SASH1: variants seen among roughly 807,000 people sequenced by gnomAD.
SASH1 encodes SAM and SH3 domain-containing protein 1.
A neutral mutation model predicts 125.2 loss-of-function variants in SASH1; 44 were observed. That is an observed-to-expected ratio of 0.35 (90% CI 0.28 to 0.45). The LOEUF is 0.45. Among genes scored for constraint, SASH1 ranks in the 20% least tolerant of loss-of-function variants. SASH1 has a pLI of 1.00. For synonymous variants in SASH1, 639 were observed against 649.1 expected (o/e 0.98, Z 0.24); for missense variants, 1,426 against 1,614.5 (o/e 0.88, Z 2.00).
At chr6:148,324,118 C>CAAAAAAAAAAAAAAAA (rs56950339) in intron 1 of SASH1, among the ~76,000 whole-genome samples, 16 of 59,438 alleles carry the variant, frequency 2.7e-4, no homozygotes, top group East Asian at 6.7e-4. Flanking sequence ...GAATCTGTCT[C>CAAAAAAAAAAAAAAAA]AAAAAAAAAA....
intron 11 of SASH1, 136 bp from the exon 12 acceptor site, chr6:148,527,317 G>T: frequency 1.4e-6 from 1 of 719,072 alleles, no homozygotes; most frequent in Non-Finnish European, 2.1e-6. Flanking sequence ...TAATAGCACT[G>T]AGTTAACACA....
At chr6:148,454,850 G>A (rs990297635) in intron 4 of SASH1, among the ~76,000 whole-genome samples, 15 of 152,270 alleles carry the variant, frequency 9.9e-5, no homozygotes, top group Admixed American at 2.0e-4. Flanking sequence ...TCATTACTTC[G>A]TTGAATCTTT....
chr6:148,337,414 T>C (rs985843238), intron 1 of SASH1, among the ~76,000 whole-genome samples: 2 of 152,012 alleles, frequency 1.3e-5, no homozygotes, highest in African/African-American at 4.8e-5. Flanking sequence ...TTAGTAGAGA[T>C]GGGGTTTCAC....
chr6:148,250,776 G>T, the SASH1 span, among the ~76,000 whole-genome samples: 1 of 152,066 alleles, frequency 6.6e-6, no homozygotes, highest in Non-Finnish European at 1.5e-5. Context: ...CTTCTAGCTG[G>T]GTGGACGAAT....
chr6:148,477,967 G>A (rs1220760751), intron 7 of SASH1, among the ~76,000 whole-genome samples: 1 of 152,098 alleles, frequency 6.6e-6, no homozygotes, highest in African/African-American at 2.4e-5. Context: ...AAAGTGTTGT[G>A]ATTACGGGCA....
intron 4 of SASH1, among the ~76,000 whole-genome samples, chr6:148,463,351 T>C (rs1777703476): frequency 6.6e-6 from 1 of 152,062 alleles, no homozygotes. Flanking sequence ...CACCATGTTG[T>C]CCAGGCTGGA....
At position 148,276,349 on chromosome 6, in the gene SASH1, G is replaced by A. The variant is rs118084333; in HGVS notation, n.74+3972G>A. Among the ~76,000 whole-genome samples the A allele has an allele frequency of 1.7e-3, 255 of 152,290 alleles. 2 individuals are homozygous for A. The East Asian group carries it at 0.038, about 23-fold the overall frequency. ...AACTCTGAAGCCAGAAGGAACTTGC[G>A]TCTCTTCTGTCCAGCCTTGGACTCT... On this transcript the variant is annotated intron_variant and non_coding_transcript_variant, in intron 1 of 3. Transcript: ENST00000367469.
chr6:148,233,777 G>T, the SASH1 span, among the ~76,000 whole-genome samples: 1 of 102,180 alleles, frequency 9.8e-6, no homozygotes, highest in East Asian at 3.1e-4. Flanking sequence ...GCTGGACATG[G>T]TGGCACACAC....
intron 1 of SASH1, among the ~76,000 whole-genome samples, chr6:148,364,840 C>T (rs573763465): frequency 1.3e-5 from 2 of 152,222 alleles, no homozygotes; most frequent in South Asian, 4.1e-4. Context: ...ATTTTCCCTC[C>T]GGCCGGGCAC....
chr6:148,239,085 C>G, the SASH1 span, among the ~76,000 whole-genome samples: 22 of 152,286 alleles, frequency 1.4e-4, no homozygotes, highest in African/African-American at 4.8e-4. Flanking sequence ...TACTGAAACT[C>G]TATCACGGGA....
intron 1 of SASH1, among the ~76,000 whole-genome samples, chr6:148,292,833 C>A (rs1779669395): frequency 6.6e-6 from 1 of 152,040 alleles, no homozygotes; most frequent in Admixed American, 6.6e-5. Flanking sequence ...GGCAGATCAC[C>A]TGAGGTCAGG....
intron 1 of SASH1, among the ~76,000 whole-genome samples, chr6:148,321,390 TAAAAA>T (rs10573800): frequency 1.4e-5 from 2 of 141,804 alleles, no homozygotes; most frequent in Non-Finnish European, 1.5e-5. Context: ...AACTCTGTCT[TAAAAA>T]AAAAAAAAAA....
At chr6:148,346,294 CA>C (rs1166290965) in intron 1 of SASH1, among the ~76,000 whole-genome samples, 2 of 152,110 alleles carry the variant, frequency 1.3e-5, no homozygotes, top group African/African-American at 4.8e-5. Context: ...ACACATTTTG[CA>C]TTTAGATTAA....
chr6:148,451,453 G>A (rs9377135), intron 4 of SASH1, among the ~76,000 whole-genome samples: 28,326 of 152,004 alleles, frequency 0.19, 3,677 homozygotes, highest in East Asian at 0.37. Context: ...TTTTCTTACC[G>A]GATTCTATTT....
chr6:148,523,126 A>ATTCT (rs1233941623), intron 10 of SASH1, among the ~76,000 whole-genome samples: 1 of 152,212 alleles, frequency 6.6e-6, no homozygotes, highest in African/African-American at 2.4e-5. Flanking sequence ...TTCCACATAA[A>ATTCT]TTCTTTGTCA....
intron 1 of SASH1, among the ~76,000 whole-genome samples, chr6:148,349,264 T>G (rs1214119795): frequency 7.8e-6 from 1 of 127,514 alleles, no homozygotes; most frequent in African/African-American, 3.0e-5. Context: ...TTTTTTTTTT[T>G]TTTTTTTTTT....
chr6:148,499,048 C>CTT (rs1318198412), intron 8 of SASH1, among the ~76,000 whole-genome samples: 28 of 131,804 alleles, frequency 2.1e-4, no homozygotes, highest in African/African-American at 6.1e-4. Context: ...TATCAAAATT[C>CTT]TTTTTTTTGT....
chr6:148,359,223 A>T (rs925281715), intron 1 of SASH1, among the ~76,000 whole-genome samples: 1 of 151,716 alleles, frequency 6.6e-6, no homozygotes, highest in African/African-American at 2.4e-5. Context: ...CAGCTGCGCC[A>T]TCTCAGCTCA....
Position 148,549,668 on chromosome 6 carries a change from A to C in SASH1, c.*1110A>C. ...AAAAGACTTTTCAGTATTACAACTA[A>C]TACTATTATTATCCTTCTTTTTTTA... On this transcript the variant is annotated 3_prime_UTR_variant, in exon 20 of 20. Coordinates refer to ENST00000367467, the MANE Select transcript of SASH1 (RefSeq NM_015278.5). 1 of 398,980 alleles carries C rather than the reference A, an allele frequency of 2.5e-6. No homozygotes were observed. The highest frequency in any genetic ancestry group is 1.3e-4 in the South Asian group (1 of 7,850). The allele number at this position is 398,980 out of a possible 1,614,324, so 24.7% of individuals were successfully genotyped here.
Sources: gnomAD v4.1 joint callset for allele counts (sites outside exome capture counted in the v4.1 genomes callset) on GRCh38, gnomAD v4.1.1 for gene constraint, MANE v1.5 for transcripts, NCBI Gene and HGNC (gene_info 2026-07-23, HGNC 2026-07-21) for gene names.